The following SHISAL2A variants were observed in gnomAD, a reference collection of about 807,000 sequenced individuals.
The protein encoded by SHISAL2A is shisa like 2A, also known as protein shisa-like-2A.
Under a neutral mutation model 11.5 loss-of-function variants are expected in SHISAL2A, and 18 were observed. The observed-to-expected ratio is 1.57, with a 90% CI of 1.08 to 2.33. SHISAL2A has a LOEUF of 2.33. SHISAL2A is among the 30% of genes most tolerant of loss of function. The pLI is 0.00. For synonymous variants in SHISAL2A, 94 were observed against 99.6 expected, an observed-to-expected ratio of 0.94 and a Z score of 0.34; for missense variants, 261 against 250.9, an observed-to-expected ratio of 1.04 and a Z score of -0.27.
intron 2 of SHISAL2A, among the ~76,000 whole-genome samples, chr1:52,654,558 T>A (rs1691748924): frequency 6.6e-6 from 1 of 152,168 alleles, no homozygotes; most frequent in Non-Finnish European, 1.5e-5. Flanking sequence ...GGGAAGATAG[T>A]CTTTTCAATA....
chr1:52,653,288 A>G (rs1342812545), intron 2 of SHISAL2A, among the ~76,000 whole-genome samples: 1 of 46,852 alleles, frequency 2.1e-5, no homozygotes, highest in Non-Finnish European at 4.1e-5. Context: ...TGTCTCTACA[A>G]AAAAAAAAAA....
chr1:52,641,439 C>T (rs1398747233), intron 1 of SHISAL2A, among the ~76,000 whole-genome samples: 1 of 152,004 alleles, frequency 6.6e-6, no homozygotes, highest in Admixed American at 6.6e-5. Flanking sequence ...TGGGGAAAAC[C>T]CCCCCATACA....
At chr1:52,652,647 C>T (rs970672750) in intron 2 of SHISAL2A, among the ~76,000 whole-genome samples, 6 of 151,918 alleles carry the variant, frequency 3.9e-5, no homozygotes, top group Admixed American at 6.6e-5. Context: ...GTCTATAAAA[C>T]GTGCACAAAA....
At chr1:52,660,160 A>C (rs1691875190), downstream of SHISAL2A, among the ~76,000 whole-genome samples, 1 of 152,160 alleles carries the variant, frequency 6.6e-6, no homozygotes. Context: ...CAAGAACAAA[A>C]ACAAGCTTTG....
intron 1 of SHISAL2A, among the ~76,000 whole-genome samples, chr1:52,639,425 CA>C: frequency 6.6e-6 from 1 of 152,082 alleles, no homozygotes. Context: ...TTAATATTAT[CA>C]ATAAGTTCAT....
At chr1:52,651,189 A>G (rs905618455) in intron 2 of SHISAL2A, among the ~76,000 whole-genome samples, 2 of 151,792 alleles carry the variant, frequency 1.3e-5, no homozygotes, top group African/African-American at 2.4e-5. Context: ...AGGGTCCCCA[A>G]ACATAGCAGT....
At chr1:52,638,011 G>A (rs1691274987) in intron 1 of SHISAL2A, among the ~76,000 whole-genome samples, 1 of 152,146 alleles carries the variant, frequency 6.6e-6, no homozygotes, top group Non-Finnish European at 1.5e-5. Flanking sequence ...CCCTGCTTGA[G>A]GCAGTACATT....
At chr1:52,655,878 C>T (rs1370296540) in intron 2 of SHISAL2A, among the ~76,000 whole-genome samples, 1 of 152,128 alleles carries the variant, frequency 6.6e-6, no homozygotes, top group Non-Finnish European at 1.5e-5. Flanking sequence ...CCACTGGAGG[C>T]CGTTCCAGGG....
intron 2 of SHISAL2A, among the ~76,000 whole-genome samples, chr1:52,655,992 C>T (rs889717311): frequency 1.3e-5 from 2 of 152,122 alleles, no homozygotes; most frequent in African/African-American, 4.8e-5. Context: ...CCAGCAGGAC[C>T]TGGCTTTGTG....
chr1:52,652,920 C>T (rs1227720421), intron 2 of SHISAL2A, among the ~76,000 whole-genome samples: 13 of 122,528 alleles, frequency 1.1e-4, no homozygotes, highest in Admixed American at 3.1e-4. Context: ...GAACAGAGAT[C>T]GCGCCACTGC....
rs1180398451 is a variant in SHISAL2A, at chr1:52,633,582, CTG to C, written c.91_92del (p.Val31LeufsTer62). On this transcript the variant is annotated frameshift_variant, in exon 1 of 3. Coordinates refer to ENST00000517870, the MANE Select transcript of SHISAL2A (RefSeq NM_001042693.3). LOFTEE classifies it high-confidence loss of function. The surrounding 1 kb of genome is among the most constrained non-coding windows in gnomAD (Gnocchi z 6.4). ...CCGCGGCCGGGGGGCGAGGCGGCCG[CTG>C]TCTTCTGCTGCGGCTTCCGCGACCA... 1 of 1,611,906 alleles carries C rather than the reference CTG, an allele frequency of 6.2e-7. No individual in the cohort carries two copies. The highest frequency in any genetic ancestry group is 8.5e-7 in the Non-Finnish European group (1 of 1,179,248).
At chr1:52,658,201 G>T (rs1691837034), downstream of SHISAL2A, among the ~76,000 whole-genome samples, 1 of 152,020 alleles carries the variant, frequency 6.6e-6, no homozygotes, top group African/African-American at 2.4e-5. Context: ...CACCATGCCT[G>T]GCTAATTTTT....
At chr1:52,636,451 C>T (rs1344640881) in intron 1 of SHISAL2A, among the ~76,000 whole-genome samples, 4 of 151,328 alleles carry the variant, frequency 2.6e-5, no homozygotes, top group African/African-American at 9.8e-5. Flanking sequence ...TTTCTCTCAA[C>T]TTTAAAATGG....
intron 2 of SHISAL2A, among the ~76,000 whole-genome samples, chr1:52,650,010 G>C (rs1233376620): frequency 6.6e-6 from 1 of 152,156 alleles, no homozygotes; most frequent in Admixed American, 6.5e-5. Context: ...CAGCCAATTG[G>C]TGGCCAAGCC....
chr1:52,661,860 C>T (rs1431562193), downstream of SHISAL2A, among the ~76,000 whole-genome samples: 17 of 152,032 alleles, frequency 1.1e-4, no homozygotes, highest in Admixed American at 6.5e-4. Context: ...GGTGAAACCC[C>T]GTCTCTACTA....
downstream of SHISAL2A, among the ~76,000 whole-genome samples, chr1:52,660,430 A>G (rs937325497): frequency 5.9e-5 from 9 of 152,140 alleles, no homozygotes; most frequent in African/African-American, 2.2e-4. Flanking sequence ...CCTGTGTGAT[A>G]GGAGCCCCTC....
chr1:52,645,470 G>A lies in SHISAL2A; in HGVS notation c.322+2468G>A, dbSNP rs1691478987. Among the ~76,000 whole-genome samples the A allele has an allele frequency of 3.6e-5, 5 of 140,586 alleles. No individual in the cohort carries two copies. In the South Asian group the frequency reaches 9.3e-4, roughly 26 times the overall value. The allele number at this position is 140,586 out of a possible 152,430, so 92.2% of individuals were successfully genotyped here. A position where few individuals can be genotyped will look rare whatever the true frequency, so the allele number is the denominator to read the frequency against. On this transcript the variant is annotated intron_variant, in intron 2 of 2. Coordinates refer to ENST00000517870, the MANE Select transcript of SHISAL2A (RefSeq NM_001042693.3). Reference sequence around the variant, plus strand: ...GTTGCCCAGGCTGGAATGCAGTGGCGTAATCATGGCTCACTGCAGCCTTGC... The same window carrying A: ...GTTGCCCAGGCTGGAATGCAGTGGCATAATCATGGCTCACTGCAGCCTTGC...
At chr1:52,662,596 C>CTCAAGTGAGG (rs1415675961) in intron 4 of SHISAL2A, among the ~76,000 whole-genome samples, 2 of 151,594 alleles carry the variant, frequency 1.3e-5, no homozygotes, top group African/African-American at 4.9e-5. Context: ...AGTGATCTGC[C>CTCAAGTGAGG]CACTTAGGCC....
intron 5 of SHISAL2A, chr1:52,668,511 A>G (rs972378637): frequency 2.6e-5 from 4 of 152,112 alleles, no homozygotes; most frequent in Non-Finnish European, 5.9e-5. Context: ...AGCCCCGACC[A>G]CACTGGATTG....
Sources: gnomAD v4.1 joint callset for allele counts (sites outside exome capture counted in the v4.1 genomes callset) on GRCh38, gnomAD v4.1.1 for gene constraint, Gnocchi (gnomAD v3.1) non-coding constraint, MANE v1.5 for transcripts, NCBI Gene and HGNC (gene_info 2026-07-23, HGNC 2026-07-21) for gene names.